KLRD1: variants seen among roughly 807,000 people sequenced by gnomAD.
The protein encoded by KLRD1 is killer cell lectin like receptor D1, also known as natural killer cells antigen CD94.
KLRD1 carries 21 observed loss-of-function variants against 22.6 expected under a neutral mutation model. That is an observed-to-expected ratio of 0.93 (90% CI 0.66 to 1.34). KLRD1 has a LOEUF of 1.34. Among genes scored for constraint, KLRD1 ranks in the 40% most tolerant of loss-of-function variants. The probability of loss-of-function intolerance (pLI) is 0.00; values close to 1 mark genes in which losing one functional copy is unlikely to be tolerated. For synonymous variants in KLRD1, 59 were observed against 71.1 expected (o/e 0.83, Z 0.85); for missense variants, 183 against 208.6 (o/e 0.88, Z 0.76).
chr12:10,314,847 G>T lies in KLRD1; in HGVS notation c.*54G>T. 6.7e-7 allele frequency: 1 copy of T among 1,494,908 alleles called. No homozygotes were observed. Among genetic ancestry groups the T allele is most frequent in the Non-Finnish European group, 9.1e-7 (1 of 1,099,488 alleles). 92.6% of individuals were successfully genotyped at this position (1,494,908 alleles called of 1,614,324 possible). A position where few individuals can be genotyped will look rare whatever the true frequency, so the allele number is the denominator to read the frequency against. On this transcript the variant is annotated 3_prime_UTR_variant, in exon 6 of 6. Transcript: ENST00000336164. ...GTAAAGACCCAACATTACTAACAAT[G>T]ATACAGTTGCATGTTATATTATTAC... is the stretch of plus-strand genomic sequence containing the variant.
chr12:10,251,957 C>T (rs1263016486), intron 1 of KLRD1, among the ~76,000 whole-genome samples: 2 of 152,190 alleles, frequency 1.3e-5, no homozygotes, highest in African/African-American at 4.8e-5. Context: ...TAACAGGCCA[C>T]AGTACCGGTC....
At chr12:10,314,218 A>G (rs1451137267) in intron 5 of KLRD1, among the ~76,000 whole-genome samples, 1 of 152,180 alleles carries the variant, frequency 6.6e-6, no homozygotes, top group African/African-American at 2.4e-5. Context: ...GGTAGACCCC[A>G]ATATTCTCAG....
intron 1 of KLRD1, among the ~76,000 whole-genome samples, chr12:10,247,591 G>C (rs1263522275): frequency 1.3e-5 from 2 of 152,048 alleles, no homozygotes; most frequent in Non-Finnish European, 2.9e-5. Flanking sequence ...AATTTAGTGA[G>C]TCTAAGATAC....
At chr12:10,267,425 A>T (rs963380149) in intron 1 of KLRD1, among the ~76,000 whole-genome samples, 3 of 152,166 alleles carry the variant, frequency 2.0e-5, no homozygotes, top group Non-Finnish European at 2.9e-5. Context: ...TAATAAAAAA[A>T]TTTCACTAAA....
chr12:10,261,443 C>T (rs895491884), intron 1 of KLRD1, among the ~76,000 whole-genome samples: 1 of 152,174 alleles, frequency 6.6e-6, no homozygotes, highest in African/African-American at 2.4e-5. Flanking sequence ...GGAAACATTA[C>T]TGCTGTTAAT....
intron 1 of KLRD1, among the ~76,000 whole-genome samples, chr12:10,289,819 C>A (rs1949748963): frequency 6.6e-6 from 1 of 152,098 alleles, no homozygotes; most frequent in Non-Finnish European, 1.5e-5. Flanking sequence ...ATTCTTGTTG[C>A]CCAGGCTGGA....
In KLRD1 at chr12:10,252,461, G is replaced by A. The variant is rs556023824; in HGVS notation, c.-101+26228G>A. Reference sequence around the variant, plus strand: ...TGAGGCTGCAGTGAGCTGTGATTGCGCTACTGTACTCCAGCCTGAGCAACA... The same window carrying A: ...TGAGGCTGCAGTGAGCTGTGATTGCACTACTGTACTCCAGCCTGAGCAACA... On this transcript the variant is annotated intron_variant, in intron 1 of 5. Transcript: ENST00000544747. Among the ~76,000 whole-genome samples the A allele has an allele frequency of 7.9e-5, 12 of 152,126 alleles. No homozygotes were observed. The Middle Eastern group carries it at 0.01, about 130-fold the overall frequency.
intron 1 of KLRD1, among the ~76,000 whole-genome samples, chr12:10,245,426 G>A (rs1222627945): frequency 6.6e-6 from 1 of 152,118 alleles, no homozygotes; most frequent in Non-Finnish European, 1.5e-5. Context: ...CTAGCAATTG[G>A]AACAACTAAT....
At chr12:10,285,066 A>G (rs140294174) in intron 1 of KLRD1, among the ~76,000 whole-genome samples, 4 of 152,338 alleles carry the variant, frequency 2.6e-5, no homozygotes, top group African/African-American at 9.6e-5. Flanking sequence ...TGAGAGAACT[A>G]TATATAAAAG....
intron 1 of KLRD1, among the ~76,000 whole-genome samples, chr12:10,257,139 C>CTTTTTTTTTTTTTTTTTTTTTTTTTTTTT (rs55950006): frequency 7.7e-6 from 1 of 130,288 alleles, no homozygotes; most frequent in African/African-American, 3.1e-5. Context: ...CTTTTCTTTT[C>CTTTTTTTTTTTTTTTTTTTTTTTTTTTTT]TTTTTTTTTT....
At chr12:10,283,101 G>A (rs1032771986) in intron 1 of KLRD1, among the ~76,000 whole-genome samples, 11 of 152,224 alleles carry the variant, frequency 7.2e-5, no homozygotes, top group Middle Eastern at 3.2e-3. Context: ...CTAAGAGTCC[G>A]TCAGGAGAAA....
intron 1 of KLRD1, among the ~76,000 whole-genome samples, chr12:10,266,125 C>T (rs1443999826): frequency 1.3e-5 from 2 of 152,000 alleles, no homozygotes; most frequent in East Asian, 3.9e-4. Flanking sequence ...CCATACTAAC[C>T]CTTGCTTCCA....
At chr12:10,251,703 C>T (rs1172781507) in intron 1 of KLRD1, among the ~76,000 whole-genome samples, 1 of 151,812 alleles carries the variant, frequency 6.6e-6, no homozygotes, top group African/African-American at 2.4e-5. Context: ...ATAGTCCCAT[C>T]TGGGGGTGAC....
intron 1 of KLRD1, among the ~76,000 whole-genome samples, chr12:10,239,417 T>TTTCCTTCC (rs36153976): frequency 1.8e-5 from 1 of 55,450 alleles, no homozygotes; most frequent in East Asian, 9.1e-4. Flanking sequence ...TCCTTCCTTC[T>TTTCCTTCC]TTCCATCCTT....
chr12:10,260,040 T>C (rs1025657541), intron 1 of KLRD1, among the ~76,000 whole-genome samples: 1 of 152,172 alleles, frequency 6.6e-6, no homozygotes, highest in Non-Finnish European at 1.5e-5. Context: ...ATATAATAAA[T>C]TGTTTTTGCT....
At chr12:10,306,062 G>A (rs1342945027), upstream of KLRD1, among the ~76,000 whole-genome samples, 1 of 152,078 alleles carries the variant, frequency 6.6e-6, no homozygotes, top group African/African-American at 2.4e-5. Flanking sequence ...CCAGCTACTC[G>A]GTAGGCCGAG....
At chr12:10,304,837 G>T (rs1949899485), upstream of KLRD1, among the ~76,000 whole-genome samples, 1 of 152,164 alleles carries the variant, frequency 6.6e-6, no homozygotes, top group Non-Finnish European at 1.5e-5. Flanking sequence ...TAGCTAGTAG[G>T]TTTGTTATTA....
chr12:10,306,264 ATG>A (rs201769542), upstream of KLRD1, among the ~76,000 whole-genome samples: 25 of 149,302 alleles, frequency 1.7e-4, no homozygotes, highest in East Asian at 1.2e-3. Context: ...GTGTGTGTGT[ATG>A]TGTGTGTGTG....
chr12:10,255,401 T>A (rs1486318101), intron 1 of KLRD1, among the ~76,000 whole-genome samples: 1 of 152,194 alleles, frequency 6.6e-6, no homozygotes, highest in East Asian at 1.9e-4. Context: ...TTAATTTATT[T>A]TCCTTTTTCT....
Sources: allele counts gnomAD v4.1 joint callset (sites outside exome capture counted in the v4.1 genomes callset), GRCh38; gene constraint gnomAD v4.1.1; transcripts MANE v1.5; gene names NCBI Gene and HGNC (gene_info 2026-07-23, HGNC 2026-07-21).